Variants in PTPRD observed in about 807,000 individuals in gnomAD.
PTPRD encodes the protein protein tyrosine phosphatase receptor type D.
PTPRD carries 34 observed loss-of-function variants against 214.5 expected under a neutral mutation model. The ratio of observed to expected loss-of-function variants is 0.16; its 90% confidence interval spans 0.12 to 0.21. PTPRD has a LOEUF of 0.21. Among genes scored for constraint, PTPRD ranks in the 10% least tolerant of loss-of-function variants. The pLI is 1.00. For missense variants in PTPRD, 2,545 were observed against 2,398.7 expected (o/e 1.06, Z -1.27); for synonymous variants, 1,128 against 845.7 (o/e 1.33, Z -5.79).
At chr9:9,575,533 A>G (rs1212185234) in intron 7 of PTPRD, among the ~76,000 whole-genome samples, 1 of 151,690 alleles carries the variant, frequency 6.6e-6, no homozygotes, top group Non-Finnish European at 1.5e-5. Flanking sequence ...AGCCTGGCCA[A>G]TATGGTGAAA....
intron 2 of PTPRD, among the ~76,000 whole-genome samples, chr9:10,435,983 C>T (rs1383110026): frequency 6.6e-6 from 1 of 151,730 alleles, no homozygotes; most frequent in Non-Finnish European, 1.5e-5. Flanking sequence ...ATACACTGTA[C>T]AGAGACAACG....
chr9:10,276,178 T>C (rs1016963486), intron 3 of PTPRD, among the ~76,000 whole-genome samples: 5 of 152,218 alleles, frequency 3.3e-5, no homozygotes, highest in African/African-American at 1.2e-4. Context: ...ATAATTTTTG[T>C]AGAGGATCTC....
At chr9:10,528,971 A>C (rs74830790) in intron 2 of PTPRD, among the ~76,000 whole-genome samples, 4,616 of 152,254 alleles carry the variant, frequency 0.03, 115 homozygotes, top group East Asian at 0.11. Context: ...TTTTTTAATT[A>C]AGAAAAATAG....
chr9:8,676,812 G>A (rs2097429801), intron 12 of PTPRD, among the ~76,000 whole-genome samples: 1 of 152,168 alleles, frequency 6.6e-6, no homozygotes, highest in Non-Finnish European at 1.5e-5. Flanking sequence ...GACCTCAGGT[G>A]ATCCACCCGC....
At chr9:10,204,941 A>C (rs919004111) in intron 3 of PTPRD, among the ~76,000 whole-genome samples, 4 of 152,192 alleles carry the variant, frequency 2.6e-5, no homozygotes, top group African/African-American at 9.7e-5. Flanking sequence ...CAAATCAAAT[A>C]TAATTCCTTT....
chr9:10,529,626 C>T (rs2055544104), intron 2 of PTPRD, among the ~76,000 whole-genome samples: 1 of 151,216 alleles, frequency 6.6e-6, no homozygotes, highest in Non-Finnish European at 1.5e-5. Context: ...TAGATGATGG[C>T]TTGATGGGTG....
chr9:9,492,590 C>T (rs2095965865), intron 8 of PTPRD, among the ~76,000 whole-genome samples: 1 of 151,922 alleles, frequency 6.6e-6, no homozygotes, highest in African/African-American at 2.4e-5. Flanking sequence ...AAGCAACTGA[C>T]AAAATTCATC....
At chr9:10,588,998 G>A (rs549360207) in intron 2 of PTPRD, among the ~76,000 whole-genome samples, 39 of 151,966 alleles carry the variant, frequency 2.6e-4, no homozygotes, top group Non-Finnish European at 3.8e-4. Flanking sequence ...GAACCTTTTC[G>A]TCTCACAAAA....
At chr9:10,146,651 A>C (rs1197624789) in intron 3 of PTPRD, among the ~76,000 whole-genome samples, 1 of 152,156 alleles carries the variant, frequency 6.6e-6, no homozygotes. Context: ...TTTAGAGTTA[A>C]ACTTATTTGG....
chr9:9,947,498 T>TAC (rs2092853657), intron 4 of PTPRD, among the ~76,000 whole-genome samples: 2 of 33,952 alleles, frequency 5.9e-5, no homozygotes, highest in African/African-American at 1.3e-4. Context: ...ATATTATATA[T>TAC]ATTTTATATA....
chr9:9,427,861 C>T (rs572479719), intron 8 of PTPRD, among the ~76,000 whole-genome samples: 133 of 152,246 alleles, frequency 8.7e-4, no homozygotes, highest in African/African-American at 3.1e-3. Flanking sequence ...CAAACAAATG[C>T]TGAGAGATTT....
chr9:10,060,897 C>CTTCCTTCCTTCTTTCTTTCT, intron 3 of PTPRD, among the ~76,000 whole-genome samples: 1 of 70,582 alleles, frequency 1.4e-5, no homozygotes, highest in East Asian at 4.9e-4. Flanking sequence ...TCCTTCCTTC[C>CTTCCTTCCTTCTTTCTTTCT]TTCTTTCTTT....
intron 10 of PTPRD, among the ~76,000 whole-genome samples, chr9:9,038,556 T>A (rs1464610521): frequency 1.0e-5 from 1 of 95,912 alleles, no homozygotes; most frequent in East Asian, 2.9e-4. Context: ...GATAACGGTT[T>A]TTTTTTTTTT....
chr9:9,814,400 C>G (rs980977762), intron 5 of PTPRD, among the ~76,000 whole-genome samples: 5 of 151,372 alleles, frequency 3.3e-5, no homozygotes, highest in Admixed American at 2.0e-4. Flanking sequence ...CCTCAACCCC[C>G]CACTATAAAA....
At chr9:8,987,828 G>A (rs1009508203) in intron 11 of PTPRD, among the ~76,000 whole-genome samples, 23 of 152,128 alleles carry the variant, frequency 1.5e-4, no homozygotes, top group African/African-American at 5.6e-4. Flanking sequence ...AGTTGGAAAT[G>A]TCTAATATAA....
Position 10,467,347 on chromosome 9 carries a change from A to T in PTPRD, c.-599-126330T>A, listed in dbSNP as rs1588854127. Among the ~76,000 whole-genome samples the T allele has an allele frequency of 2.6e-5, 4 of 152,346 alleles. No individual in the cohort carries two copies. The South Asian group carries it at 8.3e-4, about 32-fold the overall frequency. On this transcript the variant is annotated intron_variant, in intron 2 of 45. Transcript: ENST00000381196. ...ATATCTGCATAATTCCTGGAACAGC[A>T]ATTAAGTTGTTTTCCTATCATATTA...
chr9:9,716,074 G>A (rs7041375), intron 7 of PTPRD, among the ~76,000 whole-genome samples: 108,862 of 150,494 alleles, frequency 0.72, 40,146 homozygotes, highest in Middle Eastern at 0.86. Context: ...TCATTGTTCA[G>A]TTCCCACCTA....
chr9:10,512,033 T>TAC (rs1491055227), intron 2 of PTPRD, among the ~76,000 whole-genome samples: 7 of 11,512 alleles, frequency 6.1e-4, no homozygotes, highest in African/African-American at 3.3e-3. Context: ...TATATATGTA[T>TAC]ATATATATAT....
intron 3 of PTPRD, among the ~76,000 whole-genome samples, chr9:10,154,694 T>A (rs2099082750): frequency 6.6e-6 from 1 of 152,158 alleles, no homozygotes; most frequent in African/African-American, 2.4e-5. Context: ...CCCAGTACCA[T>A]TTATTGAATA....
Sources: gnomAD v4.1 joint callset for allele counts (sites outside exome capture counted in the v4.1 genomes callset) on GRCh38, gnomAD v4.1.1 for gene constraint, MANE v1.5 for transcripts, NCBI Gene and HGNC (gene_info 2026-07-23, HGNC 2026-07-21) for gene names.